Variants in CCSER2 observed in about 807,000 individuals in gnomAD.
The protein encoded by CCSER2 is serine-rich coiled-coil domain-containing protein 2.
CCSER2 carries 46 observed loss-of-function variants against 92.3 expected under a neutral mutation model. The ratio of observed to expected loss-of-function variants is 0.50; its 90% CI spans 0.39 to 0.64. The LOEUF is 0.64. Ranked by LOEUF, CCSER2 falls within the 30% of genes least tolerant of loss-of-function variation. The pLI, the probability that CCSER2 is intolerant of heterozygous loss-of-function variation, is 0.00. For synonymous variants in CCSER2, 433 were observed against 431.4 expected (o/e 1.00, Z -0.04); for missense variants, 1,244 against 1,238.9 (o/e 1.00, Z -0.06).
chr10:84,403,051 A>G (rs1412405188), intron 3 of CCSER2, among the ~76,000 whole-genome samples: 2 of 152,202 alleles, frequency 1.3e-5, no homozygotes, highest in South Asian at 2.1e-4. Context: ...ACTCTACCTG[A>G]TGTAAAGACT....
intron 5 of CCSER2, among the ~76,000 whole-genome samples, chr10:84,434,947 CAATTA>C (rs1269466790): frequency 1.3e-5 from 2 of 151,856 alleles, no homozygotes; most frequent in African/African-American, 4.8e-5. Context: ...GCTTACAATC[CAATTA>C]GAGTTGAAAA....
rs993664746 is a variant in CCSER2 at position 84,362,548 on chromosome 10, C to A, written c.-39-8466C>A. 4.6e-5 allele frequency among the ~76,000 whole-genome samples: 7 copies of A among 152,298 alleles called. No individual in the cohort carries two copies. In the East Asian group the frequency reaches 1.4e-3, roughly 29 times the overall value. On this transcript the variant is annotated intron_variant, in intron 1 of 9. Transcript: ENST00000372088. Reference sequence around the variant, plus strand: ...AGTTTAAATTTCAGGAAGTAATATACATTGGATCTGCATAATAACCTTATT... The same window carrying A: ...AGTTTAAATTTCAGGAAGTAATATAAATTGGATCTGCATAATAACCTTATT...
At chr10:84,461,191 A>G (rs967315212) in intron 6 of CCSER2, among the ~76,000 whole-genome samples, 3 of 152,086 alleles carry the variant, frequency 2.0e-5, no homozygotes, top group African/African-American at 7.2e-5. Flanking sequence ...CCCAAGGATG[A>G]TTTAGAAGGT....
intron 9 of CCSER2, among the ~76,000 whole-genome samples, chr10:84,512,902 A>G (rs1197294719): frequency 1.3e-5 from 2 of 152,242 alleles, no homozygotes; most frequent in Non-Finnish European, 2.9e-5. Context: ...CTCGACCTAT[A>G]TTTGTTAAAT....
At position 84,391,928 on chromosome 10, in the gene CCSER2, C is replaced by A; in HGVS notation, c.1614+18113C>A. On this transcript the variant is annotated intron_variant, in intron 3 of 9. Transcript: ENST00000372088. Reference sequence around the variant, plus strand: ...AACCCAAAAGATGATCTCAGAGACACATTCGGTGTAAGATCCTTCATGGAT... The same window carrying A: ...AACCCAAAAGATGATCTCAGAGACAAATTCGGTGTAAGATCCTTCATGGAT... 6 of 1,323,110 alleles carry A rather than the reference C, an allele frequency of 4.5e-6. 1 individual carries two copies. The South Asian group carries it at 4.7e-5, about 10-fold the overall frequency. 82.0% of individuals were successfully genotyped at this position (1,323,110 alleles called of 1,614,324 possible).
At chr10:84,465,284 TGTGTGTGA>T (rs1395439596) in intron 7 of CCSER2, among the ~76,000 whole-genome samples, 1 of 92,866 alleles carries the variant, frequency 1.1e-5, no homozygotes, top group East Asian at 2.4e-4. Flanking sequence ...TGTGTGTGTG[TGTGTGTGA>T]AAAAGTTTTT....
intron 9 of CCSER2, among the ~76,000 whole-genome samples, chr10:84,487,259 A>G (rs1847863275): frequency 1.3e-5 from 2 of 152,156 alleles, no homozygotes; most frequent in Non-Finnish European, 2.9e-5. Context: ...ACTTTAAAGT[A>G]GTTTTTTCCA....
Position 84,407,202 on chromosome 10 carries a change from C to T in CCSER2, c.1615-10569C>T, listed in dbSNP as rs1564634522. Among the ~76,000 whole-genome samples, 3 of 152,308 alleles carry T rather than the reference C, an allele frequency of 2.0e-5. 1 individual carries two copies. In the South Asian group the frequency reaches 6.2e-4, roughly 32 times the overall value. ...CTTCTCAAAGATGCAGCATGCACAT[C>T]AAAATAATTGGGCTTCAAAACTATG... On this transcript the variant is annotated intron_variant, in intron 3 of 9. Transcript: ENST00000372088.
At chr10:84,429,117 A>G (rs774855684) in intron 5 of CCSER2, among the ~76,000 whole-genome samples, 4 of 151,768 alleles carry the variant, frequency 2.6e-5, no homozygotes, top group Non-Finnish European at 5.9e-5. Context: ...ATTGGGAAGT[A>G]TTCCTTTCAC....
chr10:84,395,642 A>C (rs1359938450), intron 3 of CCSER2, among the ~76,000 whole-genome samples: 1 of 152,184 alleles, frequency 6.6e-6, no homozygotes, highest in Non-Finnish European at 1.5e-5. Context: ...TGGTAGCTTA[A>C]GTTGGGTTGC....
intron 3 of CCSER2, among the ~76,000 whole-genome samples, chr10:84,408,487 T>C (rs1842481460): frequency 6.6e-6 from 1 of 152,158 alleles, no homozygotes; most frequent in Non-Finnish European, 1.5e-5. Context: ...CCCCTTTCCT[T>C]TTCGACTGGG....
chr10:84,380,004 C>A (rs1352412560), intron 3 of CCSER2, among the ~76,000 whole-genome samples: 1 of 152,080 alleles, frequency 6.6e-6, no homozygotes, highest in Non-Finnish European at 1.5e-5. Flanking sequence ...AGGATATAAA[C>A]CTAGCTATAG....
chr10:84,330,248 C>G (rs1843486758), intron 1 of CCSER2, among the ~76,000 whole-genome samples: 1 of 152,232 alleles, frequency 6.6e-6, no homozygotes, highest in Non-Finnish European at 1.5e-5. Context: ...GTGTCATCTT[C>G]TACCATTATG....
chr10:84,413,002 AT>A (rs1194242359), intron 3 of CCSER2, among the ~76,000 whole-genome samples: 1 of 151,576 alleles, frequency 6.6e-6, no homozygotes, highest in African/African-American at 2.4e-5. Flanking sequence ...TCCCCTTATC[AT>A]TTCTGATTAT....
intron 3 of CCSER2, among the ~76,000 whole-genome samples, chr10:84,402,974 A>G (rs1016697141): frequency 6.6e-6 from 1 of 152,234 alleles, no homozygotes; most frequent in South Asian, 2.1e-4. Flanking sequence ...TAAAATTTAT[A>G]TAAAAAAGCA....
intron 1 of CCSER2, among the ~76,000 whole-genome samples, chr10:84,338,125 C>T (rs1206247146): frequency 1.3e-5 from 2 of 151,740 alleles, no homozygotes; most frequent in African/African-American, 2.4e-5. Flanking sequence ...TACTAAAATA[C>T]AGAATTAGCC....
At chr10:84,506,197 C>T (rs1032198000) in intron 9 of CCSER2, among the ~76,000 whole-genome samples, 3 of 150,740 alleles carry the variant, frequency 2.0e-5, no homozygotes, top group African/African-American at 7.3e-5. Context: ...AGCCATTGAA[C>T]TCTTTATTTC....
intron 1 of CCSER2, among the ~76,000 whole-genome samples, chr10:84,366,362 T>C (rs1247717584): frequency 2.0e-5 from 3 of 152,208 alleles, no homozygotes; most frequent in Admixed American, 2.0e-4. Flanking sequence ...TAAGAGATTA[T>C]GAATTTACTT....
intron 9 of CCSER2, among the ~76,000 whole-genome samples, chr10:84,484,479 G>A (rs1470799937): frequency 1.4e-5 from 2 of 139,266 alleles, no homozygotes; most frequent in Non-Finnish European, 3.0e-5. Context: ...TTGCATGCAT[G>A]TGTGCATGCA....
Sources: gnomAD v4.1 joint callset for allele counts (sites outside exome capture counted in the v4.1 genomes callset) on GRCh38, gnomAD v4.1.1 for gene constraint, MANE v1.5 for transcripts, NCBI Gene and HGNC (gene_info 2026-07-23, HGNC 2026-07-21) for gene names.